The following STT3B variants were observed in gnomAD, a reference collection of about 807,000 sequenced individuals.
STT3B encodes dolichyl-diphosphooligosaccharide--protein glycosyltransferase subunit STT3B.
STT3B carries 29 observed loss-of-function variants against 96.8 expected under a neutral mutation model. That is an observed-to-expected ratio of 0.30 (90% CI 0.22 to 0.41). The LOEUF (loss-of-function observed/expected upper bound fraction) is 0.41. Among genes scored for constraint, STT3B ranks in the 10% least tolerant of loss-of-function variants. The pLI, the probability that STT3B is intolerant of heterozygous loss-of-function variation, is 1.00. For missense variants in STT3B, 640 were observed against 1,022.3 expected (o/e 0.63, Z 5.10); for synonymous variants, 367 against 360.0 (o/e 1.02, Z -0.22).
chr3:31,549,346 T>C (rs1273000855), intron 1 of STT3B, among the ~76,000 whole-genome samples: 2 of 151,982 alleles, frequency 1.3e-5, no homozygotes, highest in African/African-American at 4.8e-5. Context: ...CTAAGTTGAG[T>C]ATTATACCAC....
At chr3:31,605,501 GGTGA>G (rs34307549) in intron 5 of STT3B, among the ~76,000 whole-genome samples, 71,345 of 151,506 alleles carry the variant, frequency 0.47, 19,795 homozygotes, top group Non-Finnish European at 0.62. Flanking sequence ...TTCTCATGGT[GGTGA>G]GTAAGTCTCA....
At chr3:31,594,251 C>G (rs1449214922) in intron 3 of STT3B, among the ~76,000 whole-genome samples, 1 of 152,146 alleles carries the variant, frequency 6.6e-6, no homozygotes. Flanking sequence ...GCTGCGGACA[C>G]CAGCTGGTGT....
chr3:31,532,987 C>G lies in STT3B; in HGVS notation c.-12C>G. ...CGGAGGAGGAGAGCTAGACCCGCCG[C>G]CGGGGCACAACATGGCGGAGCCCTC... On this transcript the variant is annotated 5_prime_UTR_variant, in exon 1 of 16. Coordinates refer to ENST00000295770, the MANE Select transcript of STT3B (RefSeq NM_178862.3). 1 of 1,584,584 alleles carries G rather than the reference C, an allele frequency of 6.3e-7. No homozygotes were observed. Among genetic ancestry groups the G allele is most frequent in the Non-Finnish European group, 8.6e-7 (1 of 1,167,288 alleles).
At chr3:31,611,894 T>C (rs1399251551) in intron 5 of STT3B, among the ~76,000 whole-genome samples, 1 of 152,236 alleles carries the variant, frequency 6.6e-6, no homozygotes, top group Non-Finnish European at 1.5e-5. Flanking sequence ...TGTAGATTTG[T>C]AAATGAGATT....
At chr3:31,627,221 G>A (rs1490413439) in intron 13 of STT3B, among the ~76,000 whole-genome samples, 1 of 152,182 alleles carries the variant, frequency 6.6e-6, no homozygotes, top group Non-Finnish European at 1.5e-5. Context: ...TGCCGCCTGA[G>A]CTCCGCCTCC....
At chr3:31,553,056 C>T (rs1291129270) in intron 1 of STT3B, among the ~76,000 whole-genome samples, 6 of 147,834 alleles carry the variant, frequency 4.1e-5, no homozygotes, top group South Asian at 2.2e-4. Context: ...GAGTCGAGAT[C>T]GCGCCACTGC....
chr3:31,628,801 T>C, intron 13 of STT3B, among the ~76,000 whole-genome samples: 1 of 152,134 alleles, frequency 6.6e-6, no homozygotes, highest in Non-Finnish European at 1.5e-5. Context: ...TAAGCCATGG[T>C]GTTGGTACCA....
At chr3:31,604,681 A>T (rs1481397869) in intron 5 of STT3B, among the ~76,000 whole-genome samples, 3 of 152,236 alleles carry the variant, frequency 2.0e-5, no homozygotes, top group Non-Finnish European at 4.4e-5. Flanking sequence ...TCAAAATGGA[A>T]ATAGGGAAAA....
chr3:31,614,296 G>A (rs75444237), intron 5 of STT3B, among the ~76,000 whole-genome samples: 4,864 of 151,874 alleles, frequency 0.032, 113 homozygotes, highest in Middle Eastern at 0.068. Context: ...TTTCAGATGG[G>A]CTTTATTTCT....
At chr3:31,604,852 T>A (rs1254605863) in intron 5 of STT3B, among the ~76,000 whole-genome samples, 1 of 152,168 alleles carries the variant, frequency 6.6e-6, no homozygotes, top group Non-Finnish European at 1.5e-5. Flanking sequence ...GAGTACATAC[T>A]CCAGAGCCAA....
chr3:31,576,813 A>G (rs1698275109), intron 2 of STT3B, among the ~76,000 whole-genome samples: 1 of 152,144 alleles, frequency 6.6e-6, no homozygotes, highest in Non-Finnish European at 1.5e-5. Context: ...TCTTATAGCA[A>G]TTTGGTTGAA....
chr3:31,541,070 A>G (rs1387152912), intron 1 of STT3B, among the ~76,000 whole-genome samples: 9 of 152,248 alleles, frequency 5.9e-5, no homozygotes, highest in Admixed American at 6.5e-5. Flanking sequence ...ACTCTTGTAC[A>G]GTTATATTCT....
intron 9 of STT3B, chr3:31,620,131 C>G (rs964983321): frequency 2.6e-6 from 1 of 389,610 alleles, no homozygotes; most frequent in Non-Finnish European, 4.4e-6. Context: ...AAAAATTAGC[C>G]GAACATGGTG....
intron 3 of STT3B, among the ~76,000 whole-genome samples, chr3:31,593,016 G>A (rs961991636): frequency 6.6e-6 from 1 of 152,130 alleles, no homozygotes; most frequent in African/African-American, 2.4e-5. Context: ...CAGAACCTCA[G>A]TACTTGGAGG....
chr3:31,600,434 G>A lies in STT3B; in HGVS notation c.852G>A (p.Gln284=). The A allele has an allele frequency of 6.3e-7, 1 of 1,582,402 alleles. No homozygotes were observed. Among genetic ancestry groups the A allele is most frequent in the South Asian group, 1.1e-5 (1 of 88,762 alleles). Residue 284 remains glutamine (Q), a synonymous_variant, in exon 5 of 16, where the codon CAG becomes CAA. Transcript: ENST00000295770. ...PLHVFVLLLM[Q]RYSKRVYIAY... is the part of the protein sequence containing the mutation. Reference sequence around the variant, plus strand: ...ATGTATTTGTGTTGTTACTGATGCAGAGATACAGCAAAAGAGTCTACATAG... The same window carrying A: ...ATGTATTTGTGTTGTTACTGATGCAAAGATACAGCAAAAGAGTCTACATAG...
At chr3:31,555,777 A>C (rs1217138105) in intron 1 of STT3B, among the ~76,000 whole-genome samples, 2 of 152,124 alleles carry the variant, frequency 1.3e-5, no homozygotes, top group African/African-American at 4.8e-5. Context: ...ATTGATATAT[A>C]ATATTTTACA....
chr3:31,553,264 C>T (rs1406827262), intron 1 of STT3B, among the ~76,000 whole-genome samples: 1 of 151,900 alleles, frequency 6.6e-6, no homozygotes, highest in East Asian at 1.9e-4. Flanking sequence ...AAGTATTCAC[C>T]CAAAGAAGTG....
At chr3:31,575,468 G>C (rs572084553) in intron 1 of STT3B, among the ~76,000 whole-genome samples, 3 of 150,458 alleles carry the variant, frequency 2.0e-5, no homozygotes, top group East Asian at 1.9e-4. Flanking sequence ...GATTTTTTTG[G>C]GGGGGGGATA....
chr3:31,585,753 C>G (rs150756001), intron 3 of STT3B, among the ~76,000 whole-genome samples: 97 of 152,096 alleles, frequency 6.4e-4, no homozygotes, highest in Non-Finnish European at 5.7e-4. Flanking sequence ...CCCTGTATAT[C>G]CGTCTTCCTT....
Sources: allele counts gnomAD v4.1 joint callset (sites outside exome capture counted in the v4.1 genomes callset), GRCh38; gene constraint gnomAD v4.1.1; transcripts MANE v1.5; gene names NCBI Gene and HGNC (gene_info 2026-07-23, HGNC 2026-07-21).